NDST4: variants seen among roughly 807,000 people sequenced by gnomAD.
NDST4 encodes the protein N-deacetylase and N-sulfotransferase 4.
NDST4 carries 63 observed loss-of-function variants against 100.8 expected under a neutral mutation model. The ratio of observed to expected loss-of-function variants is 0.62; its 90% CI spans 0.51 to 0.77. The LOEUF is 0.77. NDST4 is among the 30% of genes least tolerant of loss of function. The pLI is 0.00. For synonymous variants in NDST4, 377 were observed against 361.8 expected (o/e 1.04, Z -0.48); for missense variants, 943 against 1,018.4 (o/e 0.93, Z 1.01).
At chr4:114,983,393 C>T (rs115019066) in intron 2 of NDST4, among the ~76,000 whole-genome samples, 134 of 152,330 alleles carry the variant, frequency 8.8e-4, no homozygotes, top group African/African-American at 3.1e-3. Context: ...CTTGAATCAG[C>T]GTGTCCTGGA....
At chr4:114,867,665 C>CAAAAAAAAAAAAAAAAGAA (rs1724061643) in intron 7 of NDST4, among the ~76,000 whole-genome samples, 2 of 79,900 alleles carry the variant, frequency 2.5e-5, no homozygotes, top group African/African-American at 9.8e-5. Flanking sequence ...AAAAAAAAAG[C>CAAAAAAAAAAAAAAAAGAA]AAAAAAAAAA....
At chr4:114,905,632 G>A (rs1012221625) in intron 6 of NDST4, among the ~76,000 whole-genome samples, 1 of 151,856 alleles carries the variant, frequency 6.6e-6, no homozygotes, top group Admixed American at 6.6e-5. Flanking sequence ...GTCTTACTAT[G>A]TGTAAATAAA....
chr4:115,068,965 A>T (rs575703), intron 2 of NDST4, among the ~76,000 whole-genome samples: 36,794 of 151,962 alleles, frequency 0.24, 5,995 homozygotes, highest in East Asian at 0.46. Flanking sequence ...CCTTGAGGCA[A>T]AACTAGATGT....
At chr4:114,988,350 ATCTTTT>A (rs958055331) in intron 2 of NDST4, among the ~76,000 whole-genome samples, 2 of 76,702 alleles carry the variant, frequency 2.6e-5, no homozygotes, top group African/African-American at 1.1e-4. Context: ...AGATACACAT[ATCTTTT>A]TTTTTTTTTT....
At chr4:114,914,634 G>C (rs939636846) in intron 6 of NDST4, among the ~76,000 whole-genome samples, 1 of 152,106 alleles carries the variant, frequency 6.6e-6, no homozygotes, top group Non-Finnish European at 1.5e-5. Flanking sequence ...GTTTAGTAAG[G>C]TAATGATATT....
intron 6 of NDST4, among the ~76,000 whole-genome samples, chr4:114,912,859 A>C (rs1725091901): frequency 6.6e-6 from 1 of 152,124 alleles, no homozygotes; most frequent in Admixed American, 6.6e-5. Flanking sequence ...ATATAGCCAA[A>C]TTAGGATGGA....
chr4:115,011,879 A>G (rs1727554923), intron 2 of NDST4, among the ~76,000 whole-genome samples: 1 of 151,960 alleles, frequency 6.6e-6, no homozygotes, highest in Non-Finnish European at 1.5e-5. Context: ...AGCAGTGTTA[A>G]TTTTTCATGT....
At chr4:114,866,054 TAA>T (rs1724019816) in intron 7 of NDST4, among the ~76,000 whole-genome samples, 1 of 152,210 alleles carries the variant, frequency 6.6e-6, no homozygotes, top group Non-Finnish European at 1.5e-5. Context: ...TGTGATATGA[TAA>T]AAACTATACT....
At chr4:114,942,917 A>G (rs1032832776) in intron 4 of NDST4, among the ~76,000 whole-genome samples, 1 of 151,010 alleles carries the variant, frequency 6.6e-6, no homozygotes, top group African/African-American at 2.4e-5. Context: ...TATGAAAAAA[A>G]TTAGTATCTT....
intron 2 of NDST4, among the ~76,000 whole-genome samples, chr4:115,009,760 G>T (rs9762847): frequency 0.76 from 61,217 of 80,802 alleles, 26,187 homozygotes; most frequent in Non-Finnish European, 0.82. Flanking sequence ...CCTACAAAAT[G>T]GGAGAAAATT....
chr4:114,975,175 C>A (rs900457608), intron 3 of NDST4, among the ~76,000 whole-genome samples: 1 of 152,040 alleles, frequency 6.6e-6, no homozygotes, highest in African/African-American at 2.4e-5. Context: ...TTTGATATCC[C>A]TGAGTGCATT....
chr4:114,872,644 T>C lies in NDST4; in HGVS notation c.1537-1694A>G, dbSNP rs534700190. 3.3e-5 allele frequency among the ~76,000 whole-genome samples: 5 copies of C among 152,150 alleles called. No individual in the cohort carries two copies. The South Asian group carries it at 1.0e-3, about 32-fold the overall frequency. Reference sequence around the variant, plus strand: ...TACCTAAAATTCATATAGTGTTTGCTTACTATGTACTAAGCAGGATTCTAA... The same window carrying C: ...TACCTAAAATTCATATAGTGTTTGCCTACTATGTACTAAGCAGGATTCTAA... On this transcript the variant is annotated intron_variant, in intron 6 of 13. Transcript: ENST00000264363.
At chr4:115,096,255 C>T (rs1729619681) in intron 1 of NDST4, among the ~76,000 whole-genome samples, 1 of 147,916 alleles carries the variant, frequency 6.8e-6, no homozygotes, top group Non-Finnish European at 1.5e-5. Flanking sequence ...CAAATCTACA[C>T]TTGCAATTCT....
chr4:114,975,483 T>C (rs1200488918), intron 3 of NDST4, among the ~76,000 whole-genome samples: 3 of 152,212 alleles, frequency 2.0e-5, no homozygotes, highest in African/African-American at 7.2e-5. Flanking sequence ...TTACTGTCCT[T>C]CTTCAATAAC....
chr4:114,961,740 C>T (rs1183095467), intron 4 of NDST4, among the ~76,000 whole-genome samples: 1 of 151,988 alleles, frequency 6.6e-6, no homozygotes, highest in South Asian at 2.1e-4. Context: ...GTGACTTCTA[C>T]CAAACATACA....
chr4:114,848,376 TAA>T lies in NDST4; in HGVS notation c.1817-40_1817-39del, dbSNP rs770070643. Reference sequence around the variant, plus strand: ...AAGAAAGTAAAAGGTTATATGGCAATAAGAGACAAAATATTATTTTAGCATAT... The same window carrying T: ...AAGAAAGTAAAAGGTTATATGGCAATGAGACAAAATATTATTTTAGCATAT... On this transcript the variant is annotated intron_variant, in intron 8 of 13. Transcript: ENST00000264363. 14 of 1,422,078 alleles carry T rather than the reference TAA, an allele frequency of 9.8e-6. No homozygotes were observed. The African/African-American group carries it at 1.6e-4, about 16-fold the overall frequency. 88.1% of individuals were successfully genotyped at this position (1,422,078 alleles called of 1,614,324 possible).
At chr4:115,031,529 GTCT>G (rs1312690330) in intron 2 of NDST4, among the ~76,000 whole-genome samples, 5 of 152,100 alleles carry the variant, frequency 3.3e-5, no homozygotes, top group South Asian at 4.1e-4. Flanking sequence ...TAAGCCACCA[GTCT>G]TCTTCTCTCT....
At chr4:114,999,491 A>C (rs979322532) in intron 2 of NDST4, among the ~76,000 whole-genome samples, 6 of 152,160 alleles carry the variant, frequency 3.9e-5, no homozygotes, top group Non-Finnish European at 5.9e-5. Context: ...CAAGTGATTA[A>C]TATTATCATC....
At chr4:114,980,888 T>C (rs1726754074) in intron 2 of NDST4, among the ~76,000 whole-genome samples, 1 of 152,122 alleles carries the variant, frequency 6.6e-6, no homozygotes, top group Non-Finnish European at 1.5e-5. Context: ...ATTAATTCAA[T>C]AGTCTCCTAA....
Sources: gnomAD v4.1 joint callset for allele counts (sites outside exome capture counted in the v4.1 genomes callset) on GRCh38, gnomAD v4.1.1 for gene constraint, MANE v1.5 for transcripts, NCBI Gene and HGNC (gene_info 2026-07-23, HGNC 2026-07-21) for gene names.